Variants in ACBD5 observed in about 807,000 individuals in gnomAD.
ACBD5 encodes the protein acyl-CoA-binding domain-containing protein 5.
A neutral mutation model predicts 71.8 loss-of-function variants in ACBD5; 40 were observed. That is an observed-to-expected ratio of 0.56 (90% CI 0.43 to 0.72). The LOEUF (loss-of-function observed/expected upper bound fraction) is 0.72, where lower values mean the gene tolerates loss of function less well. Among genes scored for constraint, ACBD5 ranks in the 30% least tolerant of loss-of-function variants. The probability of loss-of-function intolerance (pLI) is 0.00; values close to 1 mark genes in which losing one functional copy is unlikely to be tolerated. For missense variants in ACBD5, 559 were observed against 644.5 expected, an observed-to-expected ratio of 0.87 and a Z score of 1.44; for synonymous variants, 229 against 218.6, an observed-to-expected ratio of 1.05 and a Z score of -0.42.
At chr10:27,217,694 A>G (rs1368086096) in intron 7 of ACBD5, among the ~76,000 whole-genome samples, 2 of 150,892 alleles carry the variant, frequency 1.3e-5, no homozygotes, top group Non-Finnish European at 3.0e-5. Flanking sequence ...ACATGCCTGT[A>G]ATCCCAGCTA....
intron 4 of ACBD5, among the ~76,000 whole-genome samples, chr10:27,228,281 A>AAAAT (rs2063342503): frequency 6.6e-6 from 1 of 151,350 alleles, no homozygotes; most frequent in African/African-American, 2.4e-5. Flanking sequence ...CAAAAAAAAA[A>AAAAT]AAATAGAATT....
chr10:27,183,501 T>C (rs768848409), intron 13 of ACBD5, among the ~76,000 whole-genome samples: 7 of 152,122 alleles, frequency 4.6e-5, no homozygotes, highest in Non-Finnish European at 1.0e-4. Flanking sequence ...GCCAGGATGG[T>C]CTCGATCTCT....
rs1185739453 is a variant in ACBD5, at chr10:27,240,251, C to A, written c.181+68G>T. ...AAGGCTAAATAAACAACACTAGAAC[C>A]AGAAAGTGAAAGGGGGCTTTGGGGC... On this transcript the variant is annotated intron_variant, in intron 2 of 12. Coordinates refer to ENST00000396271, the MANE Select transcript of ACBD5 (RefSeq NM_145698.5). The surrounding 1 kb of genome is among the most constrained non-coding windows in gnomAD (Gnocchi z 4.1). The A allele has an allele frequency of 1.2e-6, 2 of 1,612,918 alleles. No individual in the cohort carries two copies. Among genetic ancestry groups the A allele is most frequent in the African/African-American group, 2.7e-5 (2 of 74,884 alleles).
chr10:27,182,877 G>A (rs566371719), intron 13 of ACBD5, among the ~76,000 whole-genome samples: 4 of 151,638 alleles, frequency 2.6e-5, no homozygotes, highest in Admixed American at 6.6e-5. Flanking sequence ...TGAACTCCTG[G>A]GCTCAAAGGA....
chr10:27,233,676 C>A (rs1001560777), intron 3 of ACBD5, among the ~76,000 whole-genome samples: 7 of 152,152 alleles, frequency 4.6e-5, no homozygotes, highest in African/African-American at 1.7e-4. Context: ...CATGATGGTG[C>A]CACTACACTC....
intron 4 of ACBD5, among the ~76,000 whole-genome samples, chr10:27,225,735 C>T (rs1843331660): frequency 6.6e-6 from 1 of 151,904 alleles, no homozygotes; most frequent in Non-Finnish European, 1.5e-5. Flanking sequence ...GTGACCAAGT[C>T]ACAACTAATA....
intron 4 of ACBD5, among the ~76,000 whole-genome samples, chr10:27,226,562 G>C (rs141329563): frequency 6.6e-6 from 1 of 151,436 alleles, no homozygotes; most frequent in East Asian, 1.9e-4. Flanking sequence ...AACCAAGCTT[G>C]TCCAATCTGC....
At chr10:27,225,235 G>A (rs1227201635) in intron 4 of ACBD5, among the ~76,000 whole-genome samples, 3 of 151,924 alleles carry the variant, frequency 2.0e-5, no homozygotes, top group East Asian at 1.9e-4. Context: ...TGCCCACCTC[G>A]GCCTCCCAAA....
intron 13 of ACBD5, chr10:27,186,384 A>G (rs1226306125): frequency 1.2e-6 from 2 of 1,614,148 alleles, no homozygotes; most frequent in Admixed American, 1.7e-5. Flanking sequence ...CTAAGAGCTA[A>G]AACGTCATCC....
chr10:27,212,957 GA>G (rs766458481), intron 8 of ACBD5, among the ~76,000 whole-genome samples: 2 of 151,952 alleles, frequency 1.3e-5, no homozygotes, highest in Non-Finnish European at 2.9e-5. Context: ...GAGAAAAGGA[GA>G]AAAACACAAA....
chr10:27,232,917 C>G (rs1021639183), intron 3 of ACBD5, among the ~76,000 whole-genome samples: 1 of 151,900 alleles, frequency 6.6e-6, no homozygotes, highest in African/African-American at 2.4e-5. Flanking sequence ...TTAAAATGGG[C>G]AAATCAAATT....
intron 13 of ACBD5, among the ~76,000 whole-genome samples, chr10:27,183,359 C>G (rs944770748): frequency 1.3e-5 from 2 of 152,120 alleles, no homozygotes; most frequent in African/African-American, 2.4e-5. Flanking sequence ...TCTCGGCTCA[C>G]TGCAACCTCC....
chr10:27,209,614 C>T (rs963788484), intron 9 of ACBD5, among the ~76,000 whole-genome samples: 23 of 152,208 alleles, frequency 1.5e-4, no homozygotes, highest in African/African-American at 2.4e-4. Flanking sequence ...TGAGCCACCA[C>T]GCCCAGCCAT....
At chr10:27,201,760 G>A (rs1036036768) in intron 12 of ACBD5, among the ~76,000 whole-genome samples, 10 of 152,152 alleles carry the variant, frequency 6.6e-5, no homozygotes, top group South Asian at 2.1e-4. Context: ...CCGAGATCAC[G>A]CAAGTGCACT....
intron 12 of ACBD5, among the ~76,000 whole-genome samples, chr10:27,197,851 G>A (rs2059510719): frequency 6.6e-6 from 1 of 151,906 alleles, no homozygotes; most frequent in Non-Finnish European, 1.5e-5. Flanking sequence ...TTCGCCATTT[G>A]AACTCCTGAC....
intron 6 of ACBD5, 70 bp downstream of exon 6, chr10:27,219,653 C>T: frequency 1.3e-6 from 2 of 1,588,662 alleles, no homozygotes; most frequent in African/African-American, 1.3e-5. Flanking sequence ...AATACCAAAT[C>T]AGCCCAAATG....
At position 27,229,490 on chromosome 10, in the gene ACBD5, G is replaced by T. The variant is rs1037426742; in HGVS notation, c.375+2258C>A. ...CTCTGTAATCCCAGCTACTCGGGAG[G>T]CTGAGGCACGCACCACTGCACTCCA... On this transcript the variant is annotated intron_variant, in intron 4 of 12. Coordinates refer to ENST00000396271, the MANE Select transcript of ACBD5 (RefSeq NM_145698.5). Among the ~76,000 whole-genome samples the T allele has an allele frequency of 9.9e-5, 15 of 151,896 alleles. 1 individual carries two copies. Among genetic ancestry groups the T allele is most frequent in the Admixed American group, 4.6e-4 (7 of 15,240 alleles).
chr10:27,213,194 G>A (rs1431382626), intron 8 of ACBD5, among the ~76,000 whole-genome samples: 1 of 151,998 alleles, frequency 6.6e-6, no homozygotes, highest in Non-Finnish European at 1.5e-5. Flanking sequence ...ATTAAAACTG[G>A]GCAAAAGATC....
rs141097625 is a variant in ACBD5 at position 27,209,449 on chromosome 10, A to G, written c.1205-1004T>C. Reference sequence around the variant, plus strand: ...CCGATTCTCCTACCTCAGCCTCCCAAGCAACTGGGATTACAGGCGCATGCC... The same window carrying G: ...CCGATTCTCCTACCTCAGCCTCCCAGGCAACTGGGATTACAGGCGCATGCC... On this transcript the variant is annotated intron_variant, in intron 9 of 12. Transcript: ENST00000396271. 1.0e-3 allele frequency among the ~76,000 whole-genome samples: 152 copies of G among 152,166 alleles called. No individual in the cohort carries two copies. The East Asian group carries it at 0.012, about 12-fold the overall frequency.
Sources: gnomAD v4.1 joint callset for allele counts (sites outside exome capture counted in the v4.1 genomes callset) on GRCh38, gnomAD v4.1.1 for gene constraint, Gnocchi (gnomAD v3.1) non-coding constraint, MANE v1.5 for transcripts, NCBI Gene and HGNC (gene_info 2026-07-23, HGNC 2026-07-21) for gene names.